NKAIN3: variants seen among roughly 807,000 people sequenced by gnomAD.
NKAIN3 encodes sodium/potassium-transporting ATPase subunit beta-1-interacting protein 3.
A neutral mutation model predicts 30.2 loss-of-function variants in NKAIN3; 25 were observed. That is an observed-to-expected ratio of 0.83 (90% CI 0.60 to 1.16). The LOEUF (loss-of-function observed/expected upper bound fraction) is 1.16. NKAIN3 is among the 50% of genes most tolerant of loss of function. NKAIN3 has a pLI of 0.00. For synonymous variants in NKAIN3, 91 were observed against 89.6 expected, an observed-to-expected ratio of 1.02 and a Z score of -0.09; for missense variants, 225 against 254.1, an observed-to-expected ratio of 0.89 and a Z score of 0.78.
chr8:62,802,375 T>C (rs1176748127), intron 4 of NKAIN3, among the ~76,000 whole-genome samples: 2 of 152,200 alleles, frequency 1.3e-5, no homozygotes, highest in Non-Finnish European at 2.9e-5. Context: ...GAGAGAAAGG[T>C]TGGGTTACCC....
chr8:62,485,030 T>C (rs745682174), intron 1 of NKAIN3, among the ~76,000 whole-genome samples: 1 of 152,238 alleles, frequency 6.6e-6, no homozygotes, highest in Non-Finnish European at 1.5e-5. Context: ...TTCTGTTGAT[T>C]CAACAGGAAC....
At chr8:62,618,034 G>A (rs1024474855) in intron 3 of NKAIN3, among the ~76,000 whole-genome samples, 18 of 152,138 alleles carry the variant, frequency 1.2e-4, no homozygotes, top group Non-Finnish European at 2.1e-4. Flanking sequence ...GGAATTATTC[G>A]AAAGATTATA....
At chr8:62,680,735 C>T (rs1813621212) in intron 3 of NKAIN3, among the ~76,000 whole-genome samples, 1 of 151,904 alleles carries the variant, frequency 6.6e-6, no homozygotes, top group African/African-American at 2.4e-5. Context: ...TGTGTGTGCA[C>T]TTTAATGTCT....
At chr8:62,592,330 C>T (rs1170667822) in intron 3 of NKAIN3, among the ~76,000 whole-genome samples, 1 of 151,998 alleles carries the variant, frequency 6.6e-6, no homozygotes, top group Non-Finnish European at 1.5e-5. Context: ...GCTGCATACT[C>T]TTGTGTTTTA....
At chr8:62,965,085 A>C (rs891524147) in intron 6 of NKAIN3, among the ~76,000 whole-genome samples, 1 of 152,186 alleles carries the variant, frequency 6.6e-6, no homozygotes, top group Non-Finnish European at 1.5e-5. Context: ...GAAAAGCAAT[A>C]GTGACTACTC....
intron 1 of NKAIN3, among the ~76,000 whole-genome samples, chr8:62,326,299 G>T (rs1815126478): frequency 6.6e-6 from 1 of 151,886 alleles, no homozygotes; most frequent in Non-Finnish European, 1.5e-5. Flanking sequence ...ACATGGTAAT[G>T]AATGAATCTG....
rs1029079225 is a variant in NKAIN3, at chr8:62,855,396, G to T, written c.472-63057G>T. The T allele has an allele frequency of 6.1e-5, 51 of 841,688 alleles. No homozygotes were observed. The African/African-American group carries it at 8.1e-4, about 13-fold the overall frequency. The allele number at this position is 841,688 out of a possible 1,614,324, so 52.1% of individuals were successfully genotyped here. Reference sequence around the variant, plus strand: ...AGCATGGGCACAGTGAAATTGCCCAGCATGCCCTTGCTGATATTGGCCTTC... The same window carrying T: ...AGCATGGGCACAGTGAAATTGCCCATCATGCCCTTGCTGATATTGGCCTTC... On this transcript the variant is annotated intron_variant, in intron 4 of 6. Transcript: ENST00000623646.
intron 3 of NKAIN3, among the ~76,000 whole-genome samples, chr8:62,673,032 T>C (rs1300055260): frequency 6.6e-6 from 1 of 152,194 alleles, no homozygotes; most frequent in Non-Finnish European, 1.5e-5. Flanking sequence ...GCAATAGCCA[T>C]GTGATTTTAC....
At chr8:62,260,080 G>A (rs1194579809) in intron 1 of NKAIN3, among the ~76,000 whole-genome samples, 1 of 152,088 alleles carries the variant, frequency 6.6e-6, no homozygotes, top group East Asian at 1.9e-4. Flanking sequence ...TATTGAAAGA[G>A]GATTTTAGTG....
At position 62,972,076 on chromosome 8, in the gene NKAIN3, T is replaced by G. The variant is rs931098245; in HGVS notation, c.*6669T>G. Among the ~76,000 whole-genome samples, 2 of 152,184 alleles carry G rather than the reference T, an allele frequency of 1.3e-5. No homozygotes were observed. ...TGGTCATAACACTTGGCTATTTTAT[T>G]TTGGTAGGGCCTTCTCTTCTGAATT... On this transcript the variant is annotated 3_prime_UTR_variant, in exon 7 of 7. Coordinates refer to ENST00000623646, the MANE Select transcript of NKAIN3 (RefSeq NM_001304533.3).
At chr8:62,479,687 G>A (rs1209634637) in intron 1 of NKAIN3, among the ~76,000 whole-genome samples, 1 of 152,136 alleles carries the variant, frequency 6.6e-6, no homozygotes, top group Non-Finnish European at 1.5e-5. Context: ...AGGTCAGAGA[G>A]GAGAAAAAAG....
At chr8:62,789,583 G>A (rs1183945952) in intron 4 of NKAIN3, among the ~76,000 whole-genome samples, 12 of 151,578 alleles carry the variant, frequency 7.9e-5, no homozygotes, top group African/African-American at 2.4e-4. Context: ...GAATAGGAGT[G>A]GTGAGAGAAG....
At chr8:62,877,326 G>C (rs1820829727) in intron 4 of NKAIN3, among the ~76,000 whole-genome samples, 1 of 152,242 alleles carries the variant, frequency 6.6e-6, no homozygotes, top group South Asian at 2.1e-4. Context: ...CCCAAAGCTA[G>C]GGGCAGCCCA....
chr8:62,815,554 G>C (rs185492320), intron 4 of NKAIN3, among the ~76,000 whole-genome samples: 1 of 152,308 alleles, frequency 6.6e-6, no homozygotes, highest in African/African-American at 2.4e-5. Flanking sequence ...TGGGATGCAA[G>C]TCTGGTTCAA....
At chr8:62,615,953 G>T (rs746626370) in intron 3 of NKAIN3, among the ~76,000 whole-genome samples, 107 of 152,036 alleles carry the variant, frequency 7.0e-4, no homozygotes, top group Non-Finnish European at 1.1e-3. Context: ...CCTGATTTTT[G>T]ATTCTTATGA....
intron 5 of NKAIN3, among the ~76,000 whole-genome samples, chr8:62,950,942 T>TC (rs917271629): frequency 7.4e-6 from 1 of 136,044 alleles, no homozygotes; most frequent in Non-Finnish European, 1.6e-5. Context: ...ATAAACAGAA[T>TC]CCTTTTTTTT....
intron 4 of NKAIN3, among the ~76,000 whole-genome samples, chr8:62,802,866 A>T (rs1300816935): frequency 6.6e-6 from 1 of 152,198 alleles, no homozygotes; most frequent in Non-Finnish European, 1.5e-5. Flanking sequence ...TATTCAGGAA[A>T]CCCATCTCAC....
chr8:62,956,670 A>G (rs1000410198), intron 6 of NKAIN3, among the ~76,000 whole-genome samples: 1 of 152,204 alleles, frequency 6.6e-6, no homozygotes, highest in African/African-American at 2.4e-5. Flanking sequence ...TCAAGCTAAA[A>G]AAAAGCCCAC....
chr8:62,806,388 G>A (rs1037454062), intron 4 of NKAIN3, among the ~76,000 whole-genome samples: 3 of 152,116 alleles, frequency 2.0e-5, no homozygotes, highest in African/African-American at 7.2e-5. Context: ...ACAATAGCAA[G>A]GACTTTGAAC....
Sources: gnomAD v4.1 joint callset for allele counts (sites outside exome capture counted in the v4.1 genomes callset) on GRCh38, gnomAD v4.1.1 for gene constraint, MANE v1.5 for transcripts, NCBI Gene and HGNC (gene_info 2026-07-23, HGNC 2026-07-21) for gene names.